Variants in NFIX observed in about 807,000 individuals in gnomAD.
The protein encoded by NFIX is nuclear factor I X.
A neutral mutation model predicts 53.3 loss-of-function variants in NFIX; 2 were observed. The observed-to-expected ratio is 0.04, with a 90% CI of 0.02 to 0.12. The LOEUF (loss-of-function observed/expected upper bound fraction) is 0.12. Among genes scored for constraint, NFIX ranks in the 10% least tolerant of loss-of-function variants. NFIX has a pLI of 1.00. For synonymous variants in NFIX, 244 were observed against 289.0 expected (o/e 0.84, Z 1.58); for missense variants, 310 against 674.5 (o/e 0.46, Z 5.99).
rs1321956074 is a variant in NFIX, at chr19:12,996,881, C to G, written c.27+1017C>G. The stretch of plus-strand genomic sequence containing the variant: ...GCTTCGAGGATGCCTGTCGGGCCAC[C>G]CAACTCTCCCTGGGCTGTGGCCTGA... On this transcript the variant is annotated intron_variant, in intron 1 of 10. Transcript: ENST00000592199. The surrounding 1 kb of genome is among the most constrained non-coding windows in gnomAD (Gnocchi z 5.2). Among the ~76,000 whole-genome samples, 1 of 152,276 alleles carries G rather than the reference C, an allele frequency of 6.6e-6. No individual in the cohort carries two copies. The highest frequency in any genetic ancestry group is 1.5e-5 in the Non-Finnish European group (1 of 68,052).
intron 2 of NFIX, among the ~76,000 whole-genome samples, chr19:13,039,914 AT>A (rs1356311679): frequency 6.6e-6 from 1 of 152,142 alleles, no homozygotes; most frequent in Admixed American, 6.5e-5. Flanking sequence ...TCACGATGGT[AT>A]AAAAATCAGA....
rs1269721711 is a variant in NFIX at position 13,067,995 on chromosome 19, C to T, written c.560-5052C>T. Among the ~76,000 whole-genome samples, 1 of 151,796 alleles carries T rather than the reference C, an allele frequency of 6.6e-6. No individual in the cohort carries two copies. Among genetic ancestry groups the T allele is most frequent in the Non-Finnish European group, 1.5e-5 (1 of 67,982 alleles). On this transcript the variant is annotated intron_variant, in intron 2 of 10. Coordinates refer to ENST00000592199, the MANE Select transcript of NFIX (RefSeq NM_001365902.3). The surrounding 1 kb of genome is among the most constrained non-coding windows in gnomAD (Gnocchi z 4.2). ...TGACAGGTGCCTGTAGTTCCCAGTACTCGGGAGGCTGAGGCAGGAGAATGG... is the reference window on the plus strand; with the variant it reads ...TGACAGGTGCCTGTAGTTCCCAGTATTCGGGAGGCTGAGGCAGGAGAATGG...
intron 2 of NFIX, among the ~76,000 whole-genome samples, chr19:13,026,124 C>G (rs1163892393): frequency 6.6e-6 from 1 of 152,116 alleles, no homozygotes; most frequent in African/African-American, 2.4e-5. Context: ...ATTCTGTGGC[C>G]TAAATACTCA....
In NFIX at chr19:13,081,946, C is replaced by A. The variant is rs372009284; in HGVS notation, c.1254+91C>A. ...GGCTCACAGGGAGAGGGCCCAAAAGCCAGGAGCCCACCTGGGGCTGGAGCA... is the reference window on the plus strand; with the variant it reads ...GGCTCACAGGGAGAGGGCCCAAAAGACAGGAGCCCACCTGGGGCTGGAGCA... On this transcript the variant is annotated intron_variant, in intron 8 of 10. Coordinates refer to ENST00000592199, the MANE Select transcript of NFIX (RefSeq NM_001365902.3). The surrounding 1 kb of genome is among the most constrained non-coding windows in gnomAD (Gnocchi z 4.7). The A allele has an allele frequency of 1.6e-5, 24 of 1,487,044 alleles. No homozygotes were observed. Among genetic ancestry groups the A allele is most frequent in the African/African-American group, 9.7e-5 (7 of 72,242 alleles). 92.1% of individuals were successfully genotyped at this position (1,487,044 alleles called of 1,614,324 possible). A position where few individuals can be genotyped will look rare whatever the true frequency, so the allele number is the denominator to read the frequency against.
intron 5 of NFIX, 138 bp from the exon 6 acceptor site, chr19:13,075,397 C>T: frequency 1.1e-6 from 1 of 917,298 alleles, no homozygotes; most frequent in Non-Finnish European, 1.6e-6. Flanking sequence ...GCAGTGAGTG[C>T]CCAGAAATGC....
chr19:13,025,291 C>G lies in NFIX; in HGVS notation c.298C>G (p.Pro100Ala). 6.2e-7 allele frequency: 1 copy of G among 1,614,076 alleles called. No homozygotes were observed. The highest frequency in any genetic ancestry group is 8.5e-7 in the Non-Finnish European group (1 of 1,179,940). Reference protein sequence around the residue: ...DFVLTITGKKPPCCVLSNPDQ... With the variant: ...DFVLTITGKKAPCCVLSNPDQ... ...CGTGCTGACCATCACGGGCAAGAAG[C>G]CCCCCTGCTGCGTGCTCTCCAACCC... The change falls in exon 2 of 11, where the codon CCC becomes GCC. Residue 100 changes from proline to alanine, a missense_variant. Physicochemically the swap from Pro to Ala is conservative, Grantham distance 27. Coordinates refer to ENST00000592199, the MANE Select transcript of NFIX (RefSeq NM_001365902.3). The surrounding 1 kb of genome is among the most constrained non-coding windows in gnomAD (Gnocchi z 7.5).
intron 5 of NFIX, 124 bp from the exon 6 acceptor site, chr19:13,075,411 T>C (rs971392197): frequency 1.0e-5 from 11 of 1,061,198 alleles, no homozygotes; most frequent in Non-Finnish European, 1.5e-5. Flanking sequence ...GAAATGCTGC[T>C]GTCGGCCGGC....
In NFIX at chr19:13,094,730, T is replaced by C. The variant is rs2018336345; in HGVS notation, c.*81T>C. The C allele has an allele frequency of 4.2e-6, 6 of 1,443,678 alleles. No individual in the cohort carries two copies. Among genetic ancestry groups the C allele is most frequent in the East Asian group, 5.0e-5 (2 of 40,306 alleles). 89.4% of individuals were successfully genotyped at this position (1,443,678 alleles called of 1,614,324 possible). On this transcript the variant is annotated 3_prime_UTR_variant, in exon 11 of 11. Coordinates refer to ENST00000592199, the MANE Select transcript of NFIX (RefSeq NM_001365902.3). The surrounding 1 kb of genome is among the most constrained non-coding windows in gnomAD (Gnocchi z 4.3). ...AGAAGAAATTTTGAGAATGGAAAAA[T>C]CCCCCAGCCCAGCCCAGCCCCACCG...
rs186296849 is a variant in NFIX, at chr19:13,048,462, G to A, written c.559+22910G>A. ...CACCAGGCTGAGTTTTCAGAACTCA[G>A]TGTCTTCTCCTCTCTGTTGTATTTT... On this transcript the variant is annotated intron_variant, in intron 2 of 10. Transcript: ENST00000592199. Among the ~76,000 whole-genome samples, 266 of 152,012 alleles carry A rather than the reference G, an allele frequency of 1.7e-3. 3 individuals are homozygous for A. The highest frequency in any genetic ancestry group is 2.9e-3 in the Non-Finnish European group (200 of 67,992).
At chr19:13,018,924 C>T (rs1489232445) in intron 1 of NFIX, among the ~76,000 whole-genome samples, 2 of 152,206 alleles carry the variant, frequency 1.3e-5, no homozygotes, top group African/African-American at 4.8e-5. Flanking sequence ...TTTTTAATTT[C>T]CCATGTCCTT....
intron 2 of NFIX, among the ~76,000 whole-genome samples, chr19:13,031,914 A>C (rs1479902828): frequency 6.6e-6 from 1 of 152,092 alleles, no homozygotes; most frequent in African/African-American, 2.4e-5. Flanking sequence ...TTTTCTGCCT[A>C]GGGAAGAAGG....
intron 2 of NFIX, among the ~76,000 whole-genome samples, chr19:13,054,989 C>T (rs545798180): frequency 6.3e-4 from 96 of 152,182 alleles, no homozygotes; most frequent in South Asian, 3.3e-3. Context: ...TACAAGCTGG[C>T]GGCTCTAGAG....
intron 2 of NFIX, among the ~76,000 whole-genome samples, chr19:13,053,809 G>C (rs2015476206): frequency 6.6e-6 from 1 of 152,180 alleles, no homozygotes; most frequent in Non-Finnish European, 1.5e-5. Context: ...ACCTGCCACT[G>C]CTGGGGTTGA....
At chr19:13,059,442 G>A (rs1411932139) in intron 2 of NFIX, among the ~76,000 whole-genome samples, 1 of 152,228 alleles carries the variant, frequency 6.6e-6, no homozygotes, top group Non-Finnish European at 1.5e-5. Flanking sequence ...TGGGAGGTTA[G>A]GGCCTCCTGA....
chr19:13,033,239 C>T (rs1406881127), intron 2 of NFIX, among the ~76,000 whole-genome samples: 2 of 152,132 alleles, frequency 1.3e-5, no homozygotes, highest in East Asian at 1.9e-4. Context: ...AGAATAGGGT[C>T]CCAGGAGGAG....
At chr19:13,031,387 G>A (rs2013794240) in intron 2 of NFIX, among the ~76,000 whole-genome samples, 1 of 152,158 alleles carries the variant, frequency 6.6e-6, no homozygotes, top group African/African-American at 2.4e-5. Context: ...CTCTATTGCT[G>A]ACCCAGAGGA....
rs541802079 is a variant in NFIX at position 13,025,215 on chromosome 19, G to A, written c.222G>A (p.Arg74=). The change falls in exon 2 of 11, where the codon CGG becomes CGA. Residue 74 remains arginine, a synonymous_variant. Coordinates refer to ENST00000592199, the MANE Select transcript of NFIX (RefSeq NM_001365902.3). The surrounding 1 kb of genome is among the most constrained non-coding windows in gnomAD (Gnocchi z 7.5). ...KPEIKQKWAS[R]LLAKLRKDIR... is the part of the protein sequence containing the mutation. Reference sequence around the variant, plus strand: ...AGATCAAGCAGAAGTGGGCATCCCGGCTGCTGGCCAAGCTGCGCAAGGACA... The same window carrying A: ...AGATCAAGCAGAAGTGGGCATCCCGACTGCTGGCCAAGCTGCGCAAGGACA... The A allele has an allele frequency of 4.3e-6, 7 of 1,614,090 alleles. No homozygotes were observed. The highest frequency in any genetic ancestry group is 5.1e-6 in the Non-Finnish European group (6 of 1,180,038).
chr19:13,087,887 G>C, intron 8 of NFIX, 102 bp from the exon 9 acceptor site: 1 of 1,382,280 alleles, frequency 7.2e-7, no homozygotes, highest in Non-Finnish European at 9.8e-7. Flanking sequence ...ATCTTCCACC[G>C]GGAGCGCCCG....
chr19:13,009,320 G>A lies in NFIX; in HGVS notation c.27+13456G>A, dbSNP rs147389719. On this transcript the variant is annotated intron_variant, in intron 1 of 10. Transcript: ENST00000592199. This position sits in a 1 kb window ranked among gnomAD's most constrained non-coding sequence, Gnocchi z 4.7. ...TATGCCTGGGCAGCGGGTGGGTGGG[G>A]GGAAGGCGGGCATATGTGACCTCCT... 3.6e-3 allele frequency among the ~76,000 whole-genome samples: 546 copies of A among 152,296 alleles called. 6 individuals are homozygous for A. The highest frequency in any genetic ancestry group is 0.026 in the East Asian group (134 of 5,178).
Sources: allele counts gnomAD v4.1 joint callset (sites outside exome capture counted in the v4.1 genomes callset), GRCh38; gene constraint gnomAD v4.1.1; non-coding constraint Gnocchi (gnomAD v3.1); transcripts MANE v1.5; gene names NCBI Gene and HGNC (gene_info 2026-07-23, HGNC 2026-07-21).